Variants in GPR176 observed in about 807,000 individuals in gnomAD.
GPR176 encodes G-protein coupled receptor 176.
Under a neutral mutation model 35.4 loss-of-function variants are expected in GPR176, and 26 were observed. The ratio of observed to expected loss-of-function variants is 0.74; its 90% CI spans 0.54 to 1.02. The LOEUF (loss-of-function observed/expected upper bound fraction) is 1.02. Among genes scored for constraint, GPR176 ranks in the 50% least tolerant of loss-of-function variants. The probability of loss-of-function intolerance (pLI) is 0.00; values close to 1 mark genes in which losing one functional copy is unlikely to be tolerated. For synonymous variants in GPR176, 278 were observed against 271.3 expected (o/e 1.02, Z -0.24); for missense variants, 597 against 665.3 (o/e 0.90, Z 1.13).
At chr15:39,822,804 C>A (rs1900362940) in intron 1 of GPR176, among the ~76,000 whole-genome samples, 1 of 152,166 alleles carries the variant, frequency 6.6e-6, no homozygotes, top group Admixed American at 6.5e-5. Flanking sequence ...AAATGTAGCT[C>A]CTTGACTGTC....
chr15:39,895,503 A>C (rs2033086911), intron 1 of GPR176, among the ~76,000 whole-genome samples: 1 of 152,244 alleles, frequency 6.6e-6, no homozygotes, highest in Admixed American at 6.5e-5. Context: ...TTCAAAAGAA[A>C]TACTTTTAAT....
intron 1 of GPR176, among the ~76,000 whole-genome samples, chr15:39,854,136 A>T (rs938196055): frequency 6.6e-6 from 1 of 151,984 alleles, no homozygotes; most frequent in African/African-American, 2.4e-5. Flanking sequence ...GACTAACCCA[A>T]TCTCAGAGCA....
chr15:39,819,446 A>T (rs75332209), intron 1 of GPR176, among the ~76,000 whole-genome samples: 1,723 of 152,348 alleles, frequency 0.011, 50 homozygotes, highest in African/African-American at 0.04. Context: ...GGGTTGCTTC[A>T]TAAAGACCTA....
chr15:39,835,807 T>C (rs180806237), intron 1 of GPR176, among the ~76,000 whole-genome samples: 19 of 152,104 alleles, frequency 1.2e-4, no homozygotes, highest in African/African-American at 3.4e-4. Context: ...AAAAACAGAG[T>C]TTCAGGCCTG....
chr15:39,890,618 C>T lies in GPR176; in HGVS notation c.172+29237G>A, dbSNP rs541640349. ...ACAGGTTTGTGGCATTTATTATGTG[C>T]CAAGCTCTATTTGCTTAGCAAATAT... On this transcript the variant is annotated intron_variant, in intron 1 of 2. Coordinates refer to ENST00000561100, the MANE Select transcript of GPR176 (RefSeq NM_007223.3). 3.9e-5 allele frequency among the ~76,000 whole-genome samples: 6 copies of T among 152,204 alleles called. No individual in the cohort carries two copies. The East Asian group carries it at 5.8e-4, about 15-fold the overall frequency.
At position 39,843,939 on chromosome 15, in the gene GPR176, T is replaced by C. The variant is rs547159976; in HGVS notation, c.173-36681A>G. On this transcript the variant is annotated intron_variant, in intron 1 of 2. Transcript: ENST00000561100. ...ATCTGTTAAACTGCTACGACAATATTATTTGTCACTTTCCACCCAAGTTCT... is the reference window on the plus strand; with the variant it reads ...ATCTGTTAAACTGCTACGACAATATCATTTGTCACTTTCCACCCAAGTTCT... 3.9e-5 allele frequency among the ~76,000 whole-genome samples: 6 copies of C among 152,246 alleles called. No individual in the cohort carries two copies. The South Asian group carries it at 1.2e-3, about 32-fold the overall frequency.
At chr15:39,912,171 T>A (rs1456284407) in intron 1 of GPR176, among the ~76,000 whole-genome samples, 1 of 152,248 alleles carries the variant, frequency 6.6e-6, no homozygotes, top group African/African-American at 2.4e-5. Context: ...TAAAGTTTTC[T>A]TATTTTTTAG....
chr15:39,852,001 G>A (rs1285110404), intron 1 of GPR176, among the ~76,000 whole-genome samples: 10 of 152,072 alleles, frequency 6.6e-5, no homozygotes, highest in Admixed American at 6.6e-4. Flanking sequence ...ATAAAGACAT[G>A]TAATCAGATT....
intron 1 of GPR176, among the ~76,000 whole-genome samples, chr15:39,912,573 G>A (rs113062247): frequency 0.23 from 34,645 of 149,098 alleles, 4,513 homozygotes; most frequent in Non-Finnish European, 0.3. Context: ...AGCTGTGATC[G>A]CACCACTTCA....
intron 2 of GPR176, among the ~76,000 whole-genome samples, chr15:39,806,266 A>T (rs1365911210): frequency 6.6e-6 from 1 of 152,252 alleles, no homozygotes; most frequent in Non-Finnish European, 1.5e-5. Flanking sequence ...GTACTCATGG[A>T]CATAAAATAC....
intron 1 of GPR176, among the ~76,000 whole-genome samples, chr15:39,840,243 C>T (rs1428371541): frequency 6.6e-6 from 1 of 152,120 alleles, no homozygotes; most frequent in Non-Finnish European, 1.5e-5. Flanking sequence ...AAATGTCCAT[C>T]AATGATAGAC....
At position 39,910,730 on chromosome 15, in the gene GPR176, C is replaced by G. The variant is rs373793640; in HGVS notation, c.172+9125G>C. Among the ~76,000 whole-genome samples, 25 of 152,084 alleles carry G rather than the reference C, an allele frequency of 1.6e-4. No homozygotes were observed. In the East Asian group the frequency reaches 3.1e-3, roughly 19 times the overall value. Reference sequence around the variant, plus strand: ...GAGGAATAGGGGAGATTCAACTGTACCTGCAACATTTTATTTTTATAAAAC... The same window carrying G: ...GAGGAATAGGGGAGATTCAACTGTAGCTGCAACATTTTATTTTTATAAAAC... On this transcript the variant is annotated intron_variant, in intron 1 of 2. Transcript: ENST00000561100.
At position 39,920,191 on chromosome 15, in the gene GPR176, C is replaced by A; in HGVS notation, c.-165G>T. Reference sequence around the variant, plus strand: ...TCTCCACATCGCCAACCCCGGCGCCCGGGAGGCGGGGAGGGAGGGAGGCGC... The same window carrying A: ...TCTCCACATCGCCAACCCCGGCGCCAGGGAGGCGGGGAGGGAGGGAGGCGC... On this transcript the variant is annotated 5_prime_UTR_variant, in exon 1 of 3. Transcript: ENST00000561100. 1 of 430,898 alleles carries A rather than the reference C, an allele frequency of 2.3e-6. No individual in the cohort carries two copies. 26.7% of individuals were successfully genotyped at this position (430,898 alleles called of 1,614,324 possible).
chr15:39,855,228 G>A (rs1346152090), intron 1 of GPR176, among the ~76,000 whole-genome samples: 1 of 152,070 alleles, frequency 6.6e-6, no homozygotes, highest in East Asian at 1.9e-4. Flanking sequence ...CAATGACAAA[G>A]TACATCGCCA....
Position 39,807,140 on chromosome 15 carries a change from G to A in GPR176, c.291C>T (p.Phe97=), listed in dbSNP as rs373251316. 17 of 1,613,860 alleles carry A rather than the reference G, an allele frequency of 1.1e-5. No homozygotes were observed. Among genetic ancestry groups the A allele is most frequent in the Admixed American group, 3.3e-5 (2 of 59,980 alleles). ...GICASLVCVP[F]DIILSTSPHC... ...GAGGACTGGTGCTGAGGATGATGTC[G>A]AAGGGCACACAGACCAGGCTGGCAC... Residue 97 remains phenylalanine, a synonymous_variant, in exon 2 of 3, where the codon TTC becomes TTT. Transcript: ENST00000561100.
chr15:39,894,001 C>T, intron 1 of GPR176, among the ~76,000 whole-genome samples: 1 of 71,128 alleles, frequency 1.4e-5, no homozygotes, highest in Non-Finnish European at 2.9e-5. Flanking sequence ...GCTGGCCTGG[C>T]AGAGGGGCTC....
At chr15:39,893,458 G>T (rs372440222) in intron 1 of GPR176, among the ~76,000 whole-genome samples, 1 of 151,868 alleles carries the variant, frequency 6.6e-6, no homozygotes, top group Non-Finnish European at 1.5e-5. Flanking sequence ...GGCAGAAGAA[G>T]TTTTCTTAGT....
intron 1 of GPR176, among the ~76,000 whole-genome samples, chr15:39,896,316 A>C (rs2033112004): frequency 6.6e-6 from 1 of 152,212 alleles, no homozygotes; most frequent in Admixed American, 6.5e-5. Context: ...TCCTGGCCTC[A>C]AGCCATCATC....
chr15:39,879,180 CT>C (rs1054009891), intron 1 of GPR176, among the ~76,000 whole-genome samples: 6 of 152,208 alleles, frequency 3.9e-5, no homozygotes, highest in African/African-American at 1.4e-4. Flanking sequence ...AAAGTGAGGC[CT>C]TAAAAGTTTA....
Sources: allele counts gnomAD v4.1 joint callset (sites outside exome capture counted in the v4.1 genomes callset), GRCh38; gene constraint gnomAD v4.1.1; transcripts MANE v1.5; gene names NCBI Gene and HGNC (gene_info 2026-07-23, HGNC 2026-07-21).